ADARB2: variants seen among roughly 807,000 people sequenced by gnomAD.
ADARB2 encodes adenosine deaminase RNA specific B2 (inactive).
ADARB2 carries 25 observed loss-of-function variants against 62.2 expected under a neutral mutation model. That is an observed-to-expected ratio of 0.40 (90% CI 0.29 to 0.56). The LOEUF (loss-of-function observed/expected upper bound fraction) is 0.56, where lower values mean the gene tolerates loss of function less well. ADARB2 is among the 20% of genes least tolerant of loss of function. The pLI is 0.43. For synonymous variants in ADARB2, 572 were observed against 500.8 expected (o/e 1.14, Z -1.90); for missense variants, 1,071 against 1,077.4 (o/e 0.99, Z 0.08).
At chr10:1,452,345 A>G (rs2131902583) in intron 1 of ADARB2, among the ~76,000 whole-genome samples, 1 of 152,258 alleles carries the variant, frequency 6.6e-6, no homozygotes, top group South Asian at 2.1e-4. Context: ...AGTAATAATA[A>G]TAATAACAAT....
intron 1 of ADARB2, among the ~76,000 whole-genome samples, chr10:1,574,927 G>A (rs1832989810): frequency 1.5e-5 from 1 of 65,230 alleles, no homozygotes; most frequent in South Asian, 4.4e-4. Flanking sequence ...ATGTTGAGTG[G>A]CACTGCCAGG....
chr10:1,485,379 T>C (rs761645118), intron 1 of ADARB2, among the ~76,000 whole-genome samples: 8 of 152,106 alleles, frequency 5.3e-5, no homozygotes, highest in Non-Finnish European at 4.4e-5. Flanking sequence ...AGTGCACTAA[T>C]AGATAGATCT....
At chr10:1,690,740 T>C (rs1834658944) in intron 1 of ADARB2, among the ~76,000 whole-genome samples, 1 of 152,148 alleles carries the variant, frequency 6.6e-6, no homozygotes, top group African/African-American at 2.4e-5. Flanking sequence ...CGTGGATGTC[T>C]TCCATGATCC....
chr10:1,544,956 T>TATATACACACACACACACACACACAC (rs10526252), intron 1 of ADARB2, among the ~76,000 whole-genome samples: 12 of 133,934 alleles, frequency 9.0e-5, no homozygotes, highest in Non-Finnish European at 1.4e-4. Context: ...TAGCAAAGTA[T>TATATACACACACACACACACACACAC]ACACACACAC....
chr10:1,608,111 G>A (rs1219111100), intron 1 of ADARB2, among the ~76,000 whole-genome samples: 1 of 152,176 alleles, frequency 6.6e-6, no homozygotes, highest in Admixed American at 6.5e-5. Flanking sequence ...TTATCATCTT[G>A]TTCATGAAAC....
intron 1 of ADARB2, among the ~76,000 whole-genome samples, chr10:1,486,427 A>G (rs1401823047): frequency 1.3e-5 from 2 of 152,230 alleles, no homozygotes; most frequent in East Asian, 3.8e-4. Flanking sequence ...GAGTCGAACA[A>G]TATAGACACA....
In ADARB2 at chr10:1,271,017, G is replaced by A. The variant is rs373439178; in HGVS notation, c.1130C>T (p.Thr377Met). Residue 377 changes from threonine (T) to methionine (M), a missense_variant, in exon 4 of 10, where the codon ACG (threonine) becomes ATG (methionine). Physicochemically the swap from Thr to Met is moderately conservative, Grantham distance 81. Coordinates refer to ENST00000381312, the MANE Select transcript of ADARB2 (RefSeq NM_018702.4). ...GGCGTGCATGGGCGTGAGGTCCGTC[G>A]TCACCTCGCGGAACTTCTGTGTGAC... ...QLVTQKFREVTTDLTPMHARH... is the reference protein window; with the variant it reads ...QLVTQKFREVMTDLTPMHARH... 9.3e-6 allele frequency: 15 copies of A among 1,613,726 alleles called. No individual in the cohort carries two copies. The highest frequency in any genetic ancestry group is 5.3e-5 in the African/African-American group (4 of 74,894).
chr10:1,503,620 T>A (rs565313617), intron 1 of ADARB2, among the ~76,000 whole-genome samples: 7 of 152,274 alleles, frequency 4.6e-5, no homozygotes, highest in African/African-American at 1.7e-4. Flanking sequence ...TGTGTCCCCA[T>A]CCACATCTCA....
At chr10:1,206,539 G>A (rs891554318) in intron 7 of ADARB2, among the ~76,000 whole-genome samples, 1 of 152,194 alleles carries the variant, frequency 6.6e-6, no homozygotes, top group African/African-American at 2.4e-5. Context: ...TCTCCTCCTC[G>A]TGCCTGTGCG....
intron 6 of ADARB2, among the ~76,000 whole-genome samples, chr10:1,223,097 T>A (rs769443113): frequency 3.3e-5 from 5 of 152,100 alleles, no homozygotes; most frequent in Admixed American, 1.3e-4. Flanking sequence ...TTCATTGAGC[T>A]GTGGTTTGTA....
At chr10:1,270,679 C>T (rs948029273) in intron 4 of ADARB2, among the ~76,000 whole-genome samples, 11 of 152,276 alleles carry the variant, frequency 7.2e-5, no homozygotes, top group South Asian at 2.1e-4. Flanking sequence ...TCTCAGGAGA[C>T]GTGGGTCCTC....
chr10:1,580,299 G>C (rs1455549997), intron 1 of ADARB2, among the ~76,000 whole-genome samples: 1 of 152,038 alleles, frequency 6.6e-6, no homozygotes, highest in East Asian at 1.9e-4. Flanking sequence ...GGTGTGTATT[G>C]GTCCTTCTTT....
intron 2 of ADARB2, among the ~76,000 whole-genome samples, chr10:1,364,331 C>A (rs1485534216): frequency 2.0e-5 from 3 of 152,040 alleles, no homozygotes; most frequent in Non-Finnish European, 4.4e-5. Flanking sequence ...AATGCCCCCC[C>A]AATACTGAGG....
At position 1,323,067 on chromosome 10, in the gene ADARB2, G is replaced by C. The variant is rs190115623; in HGVS notation, c.1077+39961C>G. Among the ~76,000 whole-genome samples, 5 of 152,172 alleles carry C rather than the reference G, an allele frequency of 3.3e-5. No homozygotes were observed. The East Asian group carries it at 9.6e-4, about 29-fold the overall frequency. On this transcript the variant is annotated intron_variant, in intron 3 of 9. Transcript: ENST00000381312. ...TGGAAAGTTTTTAAAAAGTATATCA[G>C]AATTTCAAAAAGTATTGAAGGTTAA...
At chr10:1,315,677 T>C (rs1001895166) in intron 3 of ADARB2, among the ~76,000 whole-genome samples, 2 of 152,180 alleles carry the variant, frequency 1.3e-5, no homozygotes, top group African/African-American at 2.4e-5. Flanking sequence ...CCTATGCAGG[T>C]GAAGACGCCC....
intron 1 of ADARB2, among the ~76,000 whole-genome samples, chr10:1,683,439 C>T (rs1370702628): frequency 6.6e-6 from 1 of 152,150 alleles, no homozygotes; most frequent in Non-Finnish European, 1.5e-5. Flanking sequence ...GTAGTGAGCT[C>T]GAAAGATTTT....
chr10:1,261,201 T>C (rs974199978), intron 4 of ADARB2, among the ~76,000 whole-genome samples: 1 of 148,900 alleles, frequency 6.7e-6, no homozygotes, highest in Non-Finnish European at 1.5e-5. Flanking sequence ...ATAAAAACCC[T>C]AGAAGAAAAC....
chr10:1,189,000 G>A (rs903123561), intron 8 of ADARB2, among the ~76,000 whole-genome samples: 4 of 150,650 alleles, frequency 2.7e-5, no homozygotes, highest in African/African-American at 1.0e-4. Context: ...GCTCCAGGAG[G>A]GCCATCTCTT....
chr10:1,678,535 CCTTTT>C (rs1179176606), intron 1 of ADARB2, among the ~76,000 whole-genome samples: 52 of 152,086 alleles, frequency 3.4e-4, no homozygotes, highest in Non-Finnish European at 7.1e-4. Flanking sequence ...CTGGCTCTCT[CCTTTT>C]CAAGTCGCTT....
Sources: gnomAD v4.1 joint callset for allele counts (sites outside exome capture counted in the v4.1 genomes callset) on GRCh38, gnomAD v4.1.1 for gene constraint, MANE v1.5 for transcripts, NCBI Gene and HGNC (gene_info 2026-07-23, HGNC 2026-07-21) for gene names.